ANKRD55: variants seen among roughly 807,000 people sequenced by gnomAD.
ANKRD55 encodes ankyrin repeat domain 55.
In ANKRD55, 41 loss-of-function variants were observed where a neutral mutation model predicts 60.6. The observed-to-expected ratio is 0.68, with a 90% CI of 0.53 to 0.88. The LOEUF (loss-of-function observed/expected upper bound fraction) is 0.88, where lower values mean the gene tolerates loss of function less well. Among genes scored for constraint, ANKRD55 ranks in the 40% least tolerant of loss-of-function variants. ANKRD55 has a pLI of 0.00. For missense variants in ANKRD55, 732 were observed against 767.6 expected (o/e 0.95, Z 0.55); for synonymous variants, 264 against 290.3 (o/e 0.91, Z 0.92).
At chr5:56,128,213 A>G (rs533256909) in intron 7 of ANKRD55, among the ~76,000 whole-genome samples, 12 of 152,244 alleles carry the variant, frequency 7.9e-5, no homozygotes, top group Non-Finnish European at 1.6e-4. Flanking sequence ...AATTTCCTGG[A>G]AGAGTAAAGG....
At chr5:56,229,476 A>G (rs1760196323) in intron 2 of ANKRD55, among the ~76,000 whole-genome samples, 1 of 152,174 alleles carries the variant, frequency 6.6e-6, no homozygotes, top group Non-Finnish European at 1.5e-5. Context: ...GCCTTCCAGC[A>G]GCTCTGTGAA....
intron 10 of ANKRD55, among the ~76,000 whole-genome samples, chr5:56,104,844 T>G (rs1177244734): frequency 6.6e-6 from 1 of 151,826 alleles, no homozygotes; most frequent in East Asian, 1.9e-4. Context: ...AGTAGTGCTG[T>G]GATAGAGTTT....
chr5:56,209,017 G>T (rs1759589870), intron 2 of ANKRD55, among the ~76,000 whole-genome samples: 1 of 151,834 alleles, frequency 6.6e-6, no homozygotes, highest in South Asian at 2.1e-4. Flanking sequence ...GAATGCAGTG[G>T]TGTGATCTTG....
intron 8 of ANKRD55, among the ~76,000 whole-genome samples, chr5:56,120,041 A>ATTT (rs34414624): frequency 6.9e-6 from 1 of 144,252 alleles, no homozygotes; most frequent in Non-Finnish European, 1.5e-5. Flanking sequence ...TCTCAACACC[A>ATTT]TTTTTTTTTT....
intron 2 of ANKRD55, among the ~76,000 whole-genome samples, chr5:56,218,417 A>G (rs2111884897): frequency 6.6e-6 from 1 of 152,246 alleles, no homozygotes; most frequent in Middle Eastern, 3.4e-3. Context: ...AGCTACCCCA[A>G]CCTTCAGCAG....
chr5:56,123,640 C>G (rs1757145835), intron 8 of ANKRD55, among the ~76,000 whole-genome samples: 1 of 152,068 alleles, frequency 6.6e-6, no homozygotes, highest in Admixed American at 6.5e-5. Flanking sequence ...TCTAGTCAGG[C>G]TTACCAACAT....
intron 6 of ANKRD55, among the ~76,000 whole-genome samples, chr5:56,151,249 T>C (rs570263788): frequency 6.6e-6 from 1 of 152,232 alleles, no homozygotes; most frequent in Non-Finnish European, 1.5e-5. Context: ...GGACTCCTGC[T>C]CTAAAGTCTA....
intron 2 of ANKRD55, among the ~76,000 whole-genome samples, chr5:56,205,134 C>G (rs1314839181): frequency 6.6e-6 from 1 of 152,092 alleles, no homozygotes; most frequent in African/African-American, 2.4e-5. Flanking sequence ...GATCTTGGCT[C>G]ACTGCAAGCT....
chr5:56,108,007 C>A (rs559166985), intron 10 of ANKRD55, among the ~76,000 whole-genome samples: 1 of 151,828 alleles, frequency 6.6e-6, no homozygotes, highest in Non-Finnish European at 1.5e-5. Context: ...GTAGCTGAGA[C>A]CACAGGCAAG....
intron 10 of ANKRD55, 123 bp downstream of exon 10, chr5:56,110,995 A>G (rs1442755182): frequency 1.2e-5 from 14 of 1,187,044 alleles, no homozygotes; most frequent in Non-Finnish European, 1.5e-5. Context: ...GGTGGCTCTA[A>G]TCACTCATTT....
intron 2 of ANKRD55, among the ~76,000 whole-genome samples, chr5:56,213,061 A>C (rs1759714895): frequency 2.0e-5 from 3 of 152,156 alleles, no homozygotes; most frequent in Non-Finnish European, 4.4e-5. Context: ...TAAAAACTTT[A>C]TTGTGGGATA....
At chr5:56,231,438 A>G (rs1222240140) in intron 2 of ANKRD55, among the ~76,000 whole-genome samples, 2 of 152,208 alleles carry the variant, frequency 1.3e-5, no homozygotes, top group African/African-American at 4.8e-5. Flanking sequence ...TTAGTCTTCA[A>G]AAATAAACCC....
At chr5:56,113,504 G>T (rs575026186) in intron 9 of ANKRD55, among the ~76,000 whole-genome samples, 1 of 152,120 alleles carries the variant, frequency 6.6e-6, no homozygotes, top group Non-Finnish European at 1.5e-5. Context: ...TGATTGTCTT[G>T]GGGTAAAGCA....
chr5:56,137,380 G>A (rs1167708535), intron 7 of ANKRD55: 13 of 1,125,402 alleles, frequency 1.2e-5, no homozygotes, highest in Non-Finnish European at 1.5e-5. Context: ...GCTCATGGTC[G>A]GATTAACCCA....
At chr5:56,179,874 T>C (rs1298386749) in intron 3 of ANKRD55, among the ~76,000 whole-genome samples, 1 of 152,282 alleles carries the variant, frequency 6.6e-6, no homozygotes, top group Non-Finnish European at 1.5e-5. Context: ...GTGTTTATTA[T>C]GTATCAGGCA....
chr5:56,226,220 A>C (rs936505837), intron 2 of ANKRD55, among the ~76,000 whole-genome samples: 2 of 152,218 alleles, frequency 1.3e-5, no homozygotes, highest in Admixed American at 6.5e-5. Context: ...TGACAAAAAC[A>C]AGAAATGAGG....
chr5:56,140,292 T>C (rs1757725407), intron 7 of ANKRD55, among the ~76,000 whole-genome samples: 1 of 152,204 alleles, frequency 6.6e-6, no homozygotes. Context: ...GGAATTACCC[T>C]CAGTCTTTGC....
In ANKRD55 at chr5:56,127,084, G is replaced by C. The variant is rs1482766387; in HGVS notation, c.635C>G (p.Ser212Cys). The C allele has an allele frequency of 1.2e-6, 2 of 1,612,002 alleles. No individual in the cohort carries two copies. The highest frequency in any genetic ancestry group is 2.2e-5 in the South Asian group (2 of 90,498). The change falls in exon 8 of 12, where the codon TCC (serine) becomes TGC (cysteine). Residue 212 changes from serine (S) to cysteine (C), a missense_variant. By Grantham distance (112) the Ser-to-Cys change is moderately radical (BLOSUM62 -1). This residue lies in a region of ANKRD55 where 597 missense variants were observed against 607.5 expected (regional missense o/e 0.98). Coordinates refer to ENST00000341048, the MANE Select transcript of ANKRD55 (RefSeq NM_024669.3). ...CCCCTGGTGATGGCTCAGAATGATGGAGCACAGAATCCTATTTCCACTCTG... is the reference window on the plus strand; with the variant it reads ...CCCCTGGTGATGGCTCAGAATGATGCAGCACAGAATCCTATTTCCACTCTG... ...AVQSGNRILC[S>C]IILSHHQGPS...
intron 5 of ANKRD55, among the ~76,000 whole-genome samples, chr5:56,163,752 CA>C (rs1189718700): frequency 1.3e-5 from 2 of 152,202 alleles, no homozygotes; most frequent in African/African-American, 4.8e-5. Flanking sequence ...ACTTTGACTC[CA>C]TGCACACAAA....
Sources: allele counts gnomAD v4.1 joint callset (sites outside exome capture counted in the v4.1 genomes callset), GRCh38; gene constraint gnomAD v4.1.1; regional missense constraint gnomAD v4.1.1; transcripts MANE v1.5; gene names NCBI Gene and HGNC (gene_info 2026-07-23, HGNC 2026-07-21).